RLIG1: variants seen among roughly 807,000 people sequenced by gnomAD.
RLIG1 encodes the protein RNA ligase 1.
At chr12:88,045,703 T>G in the RLIG1 span, 2 of 1,613,302 alleles carry the variant, frequency 1.2e-6, no homozygotes, top group Non-Finnish European at 1.7e-6. Flanking sequence ...TTTTGGAAAT[T>G]AGTGCAGTGC....
the RLIG1 span, chr12:88,035,929 T>C: frequency 6.6e-7 from 1 of 1,517,780 alleles, no homozygotes; most frequent in Non-Finnish European, 8.8e-7. Context: ...CTTGTACTTT[T>C]CTTAGTTGTG....
At chr12:88,043,152 A>G in the RLIG1 span, among the ~76,000 whole-genome samples, 16 of 152,060 alleles carry the variant, frequency 1.1e-4, no homozygotes, top group Non-Finnish European at 2.2e-4. Flanking sequence ...ATTACTGCAT[A>G]TTGAAATGAG....
chr12:88,038,602 A>T, the RLIG1 span, among the ~76,000 whole-genome samples: 1 of 152,230 alleles, frequency 6.6e-6, no homozygotes, highest in East Asian at 1.9e-4. Context: ...AGTTTGTAGT[A>T]CTGTCATGTC....
chr12:88,045,529 C>A, the RLIG1 span: 1 of 1,276,230 alleles, frequency 7.8e-7, no homozygotes, highest in Non-Finnish European at 1.1e-6. Context: ...CCTGTAGTGT[C>A]AGTCCAAAGA....
At chr12:88,039,216 C>G in the RLIG1 span, among the ~76,000 whole-genome samples, 1 of 152,142 alleles carries the variant, frequency 6.6e-6, no homozygotes, top group Non-Finnish European at 1.5e-5. Context: ...GAACTATCTT[C>G]CGTCTCTTTT....
the RLIG1 span, among the ~76,000 whole-genome samples, chr12:88,046,311 C>G: frequency 6.6e-6 from 1 of 152,108 alleles, no homozygotes; most frequent in Admixed American, 6.6e-5. Context: ...CAAAAGAAGA[C>G]TGCCAGGTGT....
chr12:88,035,790 G>A, the RLIG1 span: 2 of 1,555,184 alleles, frequency 1.3e-6, no homozygotes, highest in Non-Finnish European at 1.7e-6. Context: ...TCCTCCCCGC[G>A]GCGCTGGCTC....
chr12:88,049,923 A>G, the RLIG1 span: 1 of 161,422 alleles, frequency 6.2e-6, no homozygotes, highest in Non-Finnish European at 1.3e-5. Context: ...CTTAGTGACT[A>G]TTTAGAATAG....
the RLIG1 span, chr12:88,035,583 C>G: frequency 4.6e-6 from 7 of 1,515,380 alleles, no homozygotes; most frequent in Non-Finnish European, 6.3e-6. Flanking sequence ...TTCAGGGCTT[C>G]TCCGCGACTG....
chr12:88,048,512 A>C, the RLIG1 span: 1 of 756,542 alleles, frequency 1.3e-6, no homozygotes, highest in Admixed American at 3.9e-5. Context: ...TCATTATGAA[A>C]CATCAATATG....
At chr12:88,047,024 A>G in the RLIG1 span, 1 of 1,491,962 alleles carries the variant, frequency 6.7e-7, no homozygotes, top group Non-Finnish European at 9.0e-7. Flanking sequence ...TTATATTCCT[A>G]CAATAGAGTA....
At chr12:88,049,291 CCTTCTCTTCTAAGAGAATATTCTT>C in the RLIG1 span, 1 of 1,605,640 alleles carries the variant, frequency 6.2e-7, no homozygotes, top group Non-Finnish European at 8.5e-7. Flanking sequence ...AGTTTTTTTA[CCTTCTCTTCTAAGAGAATATTCTT>C]CTTCACTTCT....
chr12:88,036,322 C>A, the RLIG1 span, among the ~76,000 whole-genome samples: 1 of 152,080 alleles, frequency 6.6e-6, no homozygotes, highest in Non-Finnish European at 1.5e-5. Context: ...TAGTGAGTAA[C>A]CTATATTTGG....
At chr12:88,043,212 ATC>A in the RLIG1 span, among the ~76,000 whole-genome samples, 1 of 152,042 alleles carries the variant, frequency 6.6e-6, no homozygotes, top group Non-Finnish European at 1.5e-5. Context: ...TCAAGTACAA[ATC>A]TCAGGAAATT....
the RLIG1 span, chr12:88,040,071 A>T: frequency 2.6e-6 from 2 of 757,762 alleles, no homozygotes; most frequent in East Asian, 5.0e-5. Context: ...GAAATTAAGA[A>T]GATTTCAGGT....
At chr12:88,041,475 A>G in the RLIG1 span, among the ~76,000 whole-genome samples, 1 of 152,074 alleles carries the variant, frequency 6.6e-6, no homozygotes, top group Non-Finnish European at 1.5e-5. Context: ...GGAAATTCTG[A>G]TTTTTTGAGG....
the RLIG1 span, among the ~76,000 whole-genome samples, chr12:88,043,202 TC>T: frequency 3.3e-5 from 5 of 152,088 alleles, no homozygotes; most frequent in Non-Finnish European, 7.4e-5. Flanking sequence ...ATTTTATAAA[TC>T]AAGTACAAAT....
At chr12:88,040,024 C>G in the RLIG1 span, 1 of 683,774 alleles carries the variant, frequency 1.5e-6, no homozygotes, top group East Asian at 2.7e-5. Context: ...TTAAATCATT[C>G]TGAAAGATGA....
chr12:88,045,820 AT>A, the RLIG1 span: 2 of 1,495,196 alleles, frequency 1.3e-6, no homozygotes, highest in South Asian at 2.4e-5. Flanking sequence ...TGTAACTGAC[AT>A]TTATAAAGAG....
Sources: gnomAD v4.1 joint callset for allele counts (sites outside exome capture counted in the v4.1 genomes callset) on GRCh38, gnomAD v4.1.1 for gene constraint, MANE v1.5 for transcripts, NCBI Gene and HGNC (gene_info 2026-07-23, HGNC 2026-07-21) for gene names.